NIN: variants seen among roughly 807,000 people sequenced by gnomAD.
The protein encoded by NIN is glycogen synthase kinase 3 beta-interacting protein.
In NIN, 137 loss-of-function variants were observed where a neutral mutation model predicts 257.6. The ratio of observed to expected loss-of-function variants is 0.53; its 90% CI spans 0.46 to 0.61. The LOEUF is 0.61. Ranked by LOEUF, NIN falls within the 20% of genes least tolerant of loss-of-function variation. NIN has a pLI of 0.00. For missense variants in NIN, 2,439 were observed against 2,501.2 expected, an observed-to-expected ratio of 0.98 and a Z score of 0.53; for synonymous variants, 918 against 919.8, an observed-to-expected ratio of 1.00 and a Z score of 0.04.
In NIN at chr14:50,722,045, C is replaced by T. The variant is rs1025377147; in HGVS notation, c.*1418G>A. The T allele has an allele frequency of 2.6e-5, 6 of 228,494 alleles. No homozygotes were observed. Among genetic ancestry groups the T allele is most frequent in the East Asian group, 6.2e-5 (1 of 16,132 alleles). The allele number at this position is 228,494 out of a possible 1,614,324, so 14.2% of individuals were successfully genotyped here. The stretch of plus-strand genomic sequence containing the variant: ...CAGGAATATATCAAAGCGAACTTTT[C>T]GGATTATTGTCTCATGAAAACAAGC... On this transcript the variant is annotated 3_prime_UTR_variant, in exon 31 of 31. Transcript: ENST00000530997.
At chr14:50,770,592 A>C (rs2042689849) in intron 11 of NIN, 30 bp from the exon 12 acceptor site, 4 of 1,609,622 alleles carry the variant, frequency 2.5e-6, no homozygotes, top group Non-Finnish European at 3.4e-6. Flanking sequence ...ACAAGCTGCC[A>C]TCACGTCTTT....
chr14:50,813,416 C>T (rs1014805129), intron 3 of NIN, among the ~76,000 whole-genome samples: 2 of 152,148 alleles, frequency 1.3e-5, no homozygotes, highest in Admixed American at 6.5e-5. Flanking sequence ...GAAAATTACA[C>T]GACTGACGAA....
Position 50,758,293 on chromosome 14 carries a change from G to A in NIN, c.2737C>T (p.Gln913Ter). Residue 913 changes from glutamine (Q) to a stop codon, truncating the protein, a stop_gained, in exon 18 of 31, where the codon CAG becomes TAG. Transcript: ENST00000530997. LOFTEE classifies it high-confidence loss of function. ...TCTTCCAGGTCTTGGAGTAGCTGCT[G>A]TCTCTCGACGACCATGCTGTTCAAA... The part of the protein sequence containing the change: ...EHLNSMVVER[Q>*]QLLQDLEDLR... 1 of 1,614,232 alleles carries A rather than the reference G, an allele frequency of 6.2e-7. No homozygotes were observed. Among genetic ancestry groups the A allele is most frequent in the Admixed American group, 1.7e-5 (1 of 60,024 alleles).
chr14:50,723,344 G>A lies in NIN; in HGVS notation c.*119C>T. On this transcript the variant is annotated 3_prime_UTR_variant, in exon 31 of 31. Coordinates refer to ENST00000530997, the MANE Select transcript of NIN (RefSeq NM_020921.4). ...TTTAGAAAAACTAATTATGATAAAT[G>A]GAAACTCCAGTTGTGTTGCTGGCAG... The A allele has an allele frequency of 1.3e-6, 1 of 743,190 alleles. No homozygotes were observed. Among genetic ancestry groups the A allele is most frequent in the Non-Finnish European group, 2.2e-6 (1 of 458,944 alleles). 46.0% of individuals were successfully genotyped at this position (743,190 alleles called of 1,614,324 possible). A position where few individuals can be genotyped will look rare whatever the true frequency, so the allele number is the denominator to read the frequency against.
chr14:50,759,525 G>C (rs1005760537), intron 17 of NIN, among the ~76,000 whole-genome samples: 25 of 148,128 alleles, frequency 1.7e-4, no homozygotes, highest in African/African-American at 6.0e-4. Context: ...ACGGAGTCTC[G>C]CTCTGTCGCC....
chr14:50,741,142 G>A (rs921442746), intron 25 of NIN, among the ~76,000 whole-genome samples: 7 of 152,016 alleles, frequency 4.6e-5, no homozygotes, highest in Non-Finnish European at 1.0e-4. Context: ...TTAATTTCTT[G>A]CAATGTTTTT....
intron 28 of NIN, among the ~76,000 whole-genome samples, chr14:50,734,572 C>A (rs570613077): frequency 6.6e-6 from 1 of 152,188 alleles, no homozygotes; most frequent in Non-Finnish European, 1.5e-5. Flanking sequence ...GAAGGATGTA[C>A]ACATAAGTTT....
At chr14:50,752,454 C>T (rs545792729) in intron 21 of NIN, 64 bp downstream of exon 21, 3 of 1,264,230 alleles carry the variant, frequency 2.4e-6, no homozygotes, top group Admixed American at 1.9e-5. Context: ...AAGTTTAATA[C>T]AAACATTTCT....
intron 29 of NIN, 177 bp from the exon 30 acceptor site, chr14:50,726,243 G>GT: frequency 1.8e-6 from 1 of 554,180 alleles, no homozygotes; most frequent in Non-Finnish European, 3.2e-6. Context: ...TGTCAGAAAA[G>GT]TAACCCTATC....
At chr14:50,739,059 A>G (rs1016125297) in intron 26 of NIN, among the ~76,000 whole-genome samples, 1 of 152,204 alleles carries the variant, frequency 6.6e-6, no homozygotes, top group African/African-American at 2.4e-5. Context: ...CCATGAGTCT[A>G]TATTTTGGAT....
At chr14:50,761,444 A>C (rs2042271613) in intron 16 of NIN, among the ~76,000 whole-genome samples, 1 of 152,206 alleles carries the variant, frequency 6.6e-6, no homozygotes, top group South Asian at 2.1e-4. Context: ...CATGGTGAAG[A>C]GTTTAGAGGC....
Position 50,757,888 on chromosome 14 carries a change from C to T in NIN, c.3142G>A (p.Gly1048Arg). The change falls in exon 18 of 31, where the codon GGA becomes AGA. Residue 1048 changes from glycine to arginine, a missense_variant. This residue lies in a region of NIN where 2,043 missense variants were observed against 2,050.2 expected (regional missense o/e 1.00). Transcript: ENST00000530997. ...VIGEEEVEGD[G>R]ALSLLQQGEQ... ...CCTTGCTGAAGCAGGGACAGGGCTC[C>T]ATCTCCTTCCACCTCCTCCTCTCCT... The T allele has an allele frequency of 6.2e-7, 1 of 1,614,168 alleles. No individual in the cohort carries two copies. Among genetic ancestry groups the T allele is most frequent in the African/African-American group, 1.3e-5 (1 of 75,048 alleles).
rs552456708 is a variant in NIN, at chr14:50,743,003, G to A, written c.5301+413C>T. On this transcript the variant is annotated intron_variant, in intron 24 of 30. Coordinates refer to ENST00000530997, the MANE Select transcript of NIN (RefSeq NM_020921.4). ...TTTTGAGATGGAGTCTCGCTCTGTC[G>A]TGCAGGCTGAAGTGTACTAGCATGA... is the stretch of plus-strand genomic sequence containing the variant. Among the ~76,000 whole-genome samples, 24 of 151,884 alleles carry A rather than the reference G, an allele frequency of 1.6e-4. No homozygotes were observed. In the South Asian group the frequency reaches 1.9e-3, roughly 12 times the overall value.
In NIN at chr14:50,757,615, T is replaced by G. The variant is rs780753770; in HGVS notation, c.3415A>C (p.Thr1139Pro). Residue 1139 changes from threonine (T) to proline (P), a missense_variant, in exon 18 of 31, where the codon ACC (threonine) becomes CCC (proline). Physicochemically the swap from Thr to Pro is conservative, Grantham distance 38 (BLOSUM62 -1). This residue lies in a region of NIN where 2,043 missense variants were observed against 2,050.2 expected (regional missense o/e 1.00). Coordinates refer to ENST00000530997, the MANE Select transcript of NIN (RefSeq NM_020921.4). The part of the protein sequence containing the change: ...QNRTKQVEGV[T>P]RRHVLSDLED... ...AGGTCACTTAGGACATGCCGCCTGG[T>G]CACACCTTCTACTTGCTTCGTTCGG... 1 of 1,614,142 alleles carries G rather than the reference T, an allele frequency of 6.2e-7. No individual in the cohort carries two copies. The highest frequency in any genetic ancestry group is 8.5e-7 in the Non-Finnish European group (1 of 1,180,034).
rs2042767986 is a variant in NIN, at chr14:50,772,304, C to A, written c.978G>T (p.Leu326=). The A allele has an allele frequency of 6.3e-7, 1 of 1,593,510 alleles. No homozygotes were observed. The highest frequency in any genetic ancestry group is 1.3e-5 in the African/African-American group (1 of 74,630). Residue 326 remains leucine, a synonymous_variant, in exon 9 of 31, where the codon CTG becomes CTT. Coordinates refer to ENST00000530997, the MANE Select transcript of NIN (RefSeq NM_020921.4). ...EEGIENSQEI[L]KALDFSLDGN... is the part of the protein sequence containing the mutation. The stretch of plus-strand genomic sequence containing the variant: ...TTCTCAATTTTAGCTGCCACACCTT[C>A]AGGATCTCCTGGCTGTTCTCAATGC...
chr14:50,765,511 C>T, intron 14 of NIN, among the ~76,000 whole-genome samples: 1 of 152,084 alleles, frequency 6.6e-6, no homozygotes, highest in East Asian at 1.9e-4. Context: ...GTAGCTGGAA[C>T]TCAGTTATAT....
chr14:50,727,111 A>G, intron 29 of NIN: 1 of 303,480 alleles, frequency 3.3e-6, no homozygotes, highest in Non-Finnish European at 4.3e-6. Context: ...TAGCTTTTTA[A>G]AGTTCAAACA....
At chr14:50,794,648 C>T (rs1305625349) in intron 4 of NIN, 2 of 159,342 alleles carry the variant, frequency 1.3e-5, no homozygotes, top group African/African-American at 4.8e-5. Flanking sequence ...AAAAGGAACA[C>T]TTAGAACCTT....
At chr14:50,738,354 T>A in intron 26 of NIN, 68 bp from the exon 27 acceptor site, 2 of 1,423,992 alleles carry the variant, frequency 1.4e-6, no homozygotes, top group Non-Finnish European at 1.9e-6. Flanking sequence ...ACAACAAACA[T>A]AGGGAAAGTT....
Sources: gnomAD v4.1 joint callset for allele counts (sites outside exome capture counted in the v4.1 genomes callset) on GRCh38, gnomAD v4.1.1 for gene constraint, gnomAD v4.1.1 regional missense constraint, MANE v1.5 for transcripts, NCBI Gene and HGNC (gene_info 2026-07-23, HGNC 2026-07-21) for gene names.